GATAD2B: variants seen among roughly 807,000 people sequenced by gnomAD.
GATAD2B encodes the protein transcriptional repressor p66-beta.
In GATAD2B, 8 loss-of-function variants were observed where a neutral mutation model predicts 64.3. That is an observed-to-expected ratio of 0.12 (90% CI 0.07 to 0.22). GATAD2B has a LOEUF of 0.22. Among genes scored for constraint, GATAD2B ranks in the 10% least tolerant of loss-of-function variants. The pLI is 1.00. For synonymous variants in GATAD2B, 281 were observed against 271.3 expected, an observed-to-expected ratio of 1.04 and a Z score of -0.35; for missense variants, 453 against 752.0, an observed-to-expected ratio of 0.60 and a Z score of 4.65.
intron 1 of GATAD2B, among the ~76,000 whole-genome samples, chr1:153,851,862 TTG>T (rs904637428): frequency 3.9e-5 from 6 of 152,258 alleles, no homozygotes; most frequent in Middle Eastern, 3.4e-3. Context: ...CTTGAATTTT[TTG>T]TGAGTTCTGG....
chr1:153,870,418 A>T lies in GATAD2B; in HGVS notation c.-1-42070T>A, dbSNP rs537928498. On this transcript the variant is annotated intron_variant, in intron 1 of 10. Transcript: ENST00000368655. Reference sequence around the variant, plus strand: ...AACCCCGTCTCTACTAAAAAAATTTAAAAAATTAGCCGGACGTGGTGGCGG... The same window carrying T: ...AACCCCGTCTCTACTAAAAAAATTTTAAAAATTAGCCGGACGTGGTGGCGG... Among the ~76,000 whole-genome samples the T allele has an allele frequency of 1.2e-3, 190 of 152,222 alleles. 1 individual carries two copies. Among genetic ancestry groups the T allele is most frequent in the South Asian group, 2.1e-3 (10 of 4,828 alleles).
intron 1 of GATAD2B, among the ~76,000 whole-genome samples, chr1:153,844,279 T>C (rs547026202): frequency 5.0e-4 from 76 of 152,114 alleles, no homozygotes; most frequent in Admixed American, 7.9e-4. Flanking sequence ...CCAGGAATAG[T>C]GCCTGTTCTT....
At chr1:153,903,269 G>C (rs568976406) in intron 1 of GATAD2B, among the ~76,000 whole-genome samples, 4 of 151,288 alleles carry the variant, frequency 2.6e-5, no homozygotes, top group Non-Finnish European at 5.9e-5. Flanking sequence ...AGCAGGACAA[G>C]AGACCAGACC....
At chr1:153,896,433 CTTTTTTTTTT>C (rs35275252) in intron 1 of GATAD2B, among the ~76,000 whole-genome samples, 2 of 115,986 alleles carry the variant, frequency 1.7e-5, no homozygotes, top group African/African-American at 3.2e-5. Flanking sequence ...GTAAAATTTT[CTTTTTTTTTT>C]TTTTTTTTTG....
chr1:153,887,399 C>G (rs1021168595), intron 1 of GATAD2B, among the ~76,000 whole-genome samples: 2 of 152,186 alleles, frequency 1.3e-5, no homozygotes, highest in African/African-American at 4.8e-5. Context: ...CAATCAATGA[C>G]TGATTGATTG....
intron 1 of GATAD2B, among the ~76,000 whole-genome samples, chr1:153,837,232 A>G (rs1449299864): frequency 2.0e-5 from 3 of 152,158 alleles, no homozygotes; most frequent in Non-Finnish European, 4.4e-5. Context: ...GCAAGTGCCT[A>G]TAATTCTAGC....
At chr1:153,856,564 T>C (rs1188708541) in intron 1 of GATAD2B, among the ~76,000 whole-genome samples, 2 of 152,080 alleles carry the variant, frequency 1.3e-5, no homozygotes, top group Non-Finnish European at 2.9e-5. Flanking sequence ...CATTTAAAAC[T>C]TTAAGATTAA....
At chr1:153,896,400 T>C (rs1570997702) in intron 1 of GATAD2B, among the ~76,000 whole-genome samples, 1 of 151,786 alleles carries the variant, frequency 6.6e-6, no homozygotes, top group South Asian at 2.1e-4. Context: ...ACAGAATGGC[T>C]TGAGGTCCTG....
At chr1:153,839,598 A>G (rs1470474403) in intron 1 of GATAD2B, among the ~76,000 whole-genome samples, 1 of 152,220 alleles carries the variant, frequency 6.6e-6, no homozygotes. Flanking sequence ...TGGTTATGTT[A>G]CTTATGAAAA....
intron 1 of GATAD2B, among the ~76,000 whole-genome samples, chr1:153,903,990 A>T (rs1222743120): frequency 6.6e-6 from 1 of 151,910 alleles, no homozygotes; most frequent in Non-Finnish European, 1.5e-5. Flanking sequence ...TCTTAAAAAT[A>T]AATAGATATG....
At chr1:153,852,378 C>G in intron 1 of GATAD2B, 1 of 830,092 alleles carries the variant, frequency 1.2e-6, no homozygotes, top group Non-Finnish European at 2.1e-6. Context: ...CCCTCATATG[C>G]TTGGCCTGAC....
chr1:153,881,483 A>G (rs921183474), intron 1 of GATAD2B, among the ~76,000 whole-genome samples: 2 of 152,222 alleles, frequency 1.3e-5, no homozygotes, highest in African/African-American at 4.8e-5. Context: ...ATGAGAAACA[A>G]TAATTCTGCA....
chr1:153,811,679 TACTA>T (rs374092255), intron 10 of GATAD2B, 48 bp downstream of exon 10: 637 of 1,085,374 alleles, frequency 5.9e-4, no homozygotes, highest in Admixed American at 1.9e-3. Flanking sequence ...CAGAACTGTA[TACTA>T]ACTAACAGCT....
At chr1:153,897,119 C>G (rs1002487112) in intron 1 of GATAD2B, among the ~76,000 whole-genome samples, 1 of 151,650 alleles carries the variant, frequency 6.6e-6, no homozygotes, top group Non-Finnish European at 1.5e-5. Context: ...GGCTCCACCC[C>G]CTGGGGTTCA....
At chr1:153,913,391 T>C (rs986147867) in intron 1 of GATAD2B, among the ~76,000 whole-genome samples, 1 of 152,212 alleles carries the variant, frequency 6.6e-6, no homozygotes, top group African/African-American at 2.4e-5. Flanking sequence ...TACAGCTTTC[T>C]TAGTGTGATA....
At chr1:153,875,408 T>C (rs1307915588) in intron 1 of GATAD2B, among the ~76,000 whole-genome samples, 1 of 152,122 alleles carries the variant, frequency 6.6e-6, no homozygotes, top group Non-Finnish European at 1.5e-5. Flanking sequence ...GAATTTGTAT[T>C]GAGCTGCATT....
intron 1 of GATAD2B, among the ~76,000 whole-genome samples, chr1:153,917,793 G>A (rs1388420770): frequency 6.6e-6 from 1 of 152,158 alleles, no homozygotes; most frequent in Admixed American, 6.5e-5. Context: ...ATCATAGAAA[G>A]AGAACCAATA....
At chr1:153,821,023 T>C (rs1253872110) in intron 2 of GATAD2B, among the ~76,000 whole-genome samples, 1 of 130,212 alleles carries the variant, frequency 7.7e-6, no homozygotes, top group Non-Finnish European at 1.6e-5. Context: ...AGGGTCTCAC[T>C]CTATTGCCCA....
intron 1 of GATAD2B, among the ~76,000 whole-genome samples, chr1:153,896,245 C>T (rs1677591361): frequency 6.6e-6 from 1 of 151,984 alleles, no homozygotes; most frequent in African/African-American, 2.4e-5. Context: ...AGGCATAAAA[C>T]AGATCCTGGC....
Sources: gnomAD v4.1 joint callset for allele counts (sites outside exome capture counted in the v4.1 genomes callset) on GRCh38, gnomAD v4.1.1 for gene constraint, MANE v1.5 for transcripts, NCBI Gene and HGNC (gene_info 2026-07-23, HGNC 2026-07-21) for gene names.